The following NUDT5 variants were observed in gnomAD, a reference collection of about 807,000 sequenced individuals.
NUDT5 encodes nudix hydrolase 5.
NUDT5 carries 21 observed loss-of-function variants against 34.1 expected under a neutral mutation model. The observed-to-expected ratio is 0.62, with a 90% confidence interval of 0.44 to 0.89. The LOEUF (loss-of-function observed/expected upper bound fraction) is 0.89. NUDT5 is among the 40% of genes least tolerant of loss of function. The pLI, the probability that NUDT5 is intolerant of heterozygous loss-of-function variation, is 0.00. For synonymous variants in NUDT5, 85 were observed against 97.6 expected (o/e 0.87, Z 0.76); for missense variants, 249 against 274.8 (o/e 0.91, Z 0.66).
In NUDT5 at chr10:12,170,063, C is replaced by T; in HGVS notation, c.550+654G>A. 1 of 1,583,720 alleles carries T rather than the reference C, an allele frequency of 6.3e-7. No individual in the cohort carries two copies. Among genetic ancestry groups the T allele is most frequent in the South Asian group, 1.1e-5 (1 of 90,382 alleles). Reference sequence around the variant, plus strand: ...GTCTCCATACAGTATCTCCTCGTCTCCACACAGTATCTCCTCATGTCTCCA... The same window carrying T: ...GTCTCCATACAGTATCTCCTCGTCTTCACACAGTATCTCCTCATGTCTCCA... On this transcript the variant is annotated intron_variant, in intron 9 of 9. Transcript: ENST00000491614. This position sits in a 1 kb window ranked among gnomAD's most constrained non-coding sequence, Gnocchi z 4.9.
Position 12,195,849 on chromosome 10 carries a change from G to A in NUDT5, c.-121C>T, listed in dbSNP as rs1476399341. On this transcript the variant is annotated 5_prime_UTR_variant, in exon 1 of 10. Coordinates refer to ENST00000491614, the MANE Select transcript of NUDT5 (RefSeq NM_014142.4). The stretch of plus-strand genomic sequence containing the variant: ...CAGTGTCAGCCGATGCCGGTGCCAC[G>A]GCTCGAAACACCGGCGCCTCTCGCG... 2 of 227,328 alleles carry A rather than the reference G, an allele frequency of 8.8e-6. No individual in the cohort carries two copies. The highest frequency in any genetic ancestry group is 5.3e-5 in the South Asian group (1 of 18,896). 14.1% of individuals were successfully genotyped at this position (227,328 alleles called of 1,614,324 possible). A position where few individuals can be genotyped will look rare whatever the true frequency, so the allele number is the denominator to read the frequency against.
chr10:12,174,223 CT>C (rs1834911640), intron 5 of NUDT5, among the ~76,000 whole-genome samples: 1 of 150,980 alleles, frequency 6.6e-6, no homozygotes, highest in African/African-American at 2.4e-5. Flanking sequence ...AATCGGAGCA[CT>C]GTGAAAAGTG....
rs1184145754 is a variant in NUDT5 at position 12,175,565 on chromosome 10, C to A, written c.290-1752G>T. On this transcript the variant is annotated intron_variant, in intron 5 of 9. Transcript: ENST00000491614. This position sits in a 1 kb window ranked among gnomAD's most constrained non-coding sequence, Gnocchi z 4.8. ...GCCAAGGCAGGAGGATCACTTGAGC[C>A]CAGAAGGTCAAGGCTGCAGTGAGCT... Among the ~76,000 whole-genome samples, 5 of 151,892 alleles carry A rather than the reference C, an allele frequency of 3.3e-5. No homozygotes were observed. Among genetic ancestry groups the A allele is most frequent in the Non-Finnish European group, 5.9e-5 (4 of 68,014 alleles).
chr10:12,166,536 G>C lies in NUDT5; in HGVS notation c.*1166C>G, dbSNP rs868651178. The C allele has an allele frequency of 3.2e-6, 1 of 311,928 alleles. No individual in the cohort carries two copies. The highest frequency in any genetic ancestry group is 2.7e-5 in the South Asian group (1 of 37,010). The allele number at this position is 311,928 out of a possible 1,614,324, so 19.3% of individuals were successfully genotyped here. Reference sequence around the variant, plus strand: ...TAAAAATATCCTGGGCTCAGACAGTGAGCCTGTGGACAAACGGAGGCTACT... The same window carrying C: ...TAAAAATATCCTGGGCTCAGACAGTCAGCCTGTGGACAAACGGAGGCTACT... On this transcript the variant is annotated 3_prime_UTR_variant, in exon 10 of 10. Coordinates refer to ENST00000491614, the MANE Select transcript of NUDT5 (RefSeq NM_014142.4).
In NUDT5 at chr10:12,170,638, G is replaced by A; in HGVS notation, c.550+79C>T. On this transcript the variant is annotated intron_variant, in intron 9 of 9. Transcript: ENST00000491614. This position sits in a 1 kb window ranked among gnomAD's most constrained non-coding sequence, Gnocchi z 4.9. ...GATACAAAAAAGATAAAGAAATGGA[G>A]TTATATTTAGTACCCAGTTTGCTGG... 5 of 1,289,386 alleles carry A rather than the reference G, an allele frequency of 3.9e-6. No individual in the cohort carries two copies. The highest frequency in any genetic ancestry group is 4.5e-6 in the Non-Finnish European group (4 of 886,282). 79.9% of individuals were successfully genotyped at this position (1,289,386 alleles called of 1,614,324 possible).
rs527552690 is a variant in NUDT5 at position 12,186,229 on chromosome 10, C to T, written c.63G>A (p.Glu21=). The T allele has an allele frequency of 1.2e-5, 19 of 1,610,568 alleles. No homozygotes were observed. Among genetic ancestry groups the T allele is most frequent in the Non-Finnish European group, 1.6e-5 (19 of 1,177,130 alleles). Residue 21 remains glutamate, a splice_region_variant and synonymous_variant, in exon 2 of 10, where the codon GAG becomes GAA. Transcript: ENST00000491614. ...AGGGAAAGTGAAAAACAAGTTATAC[C>T]TCCTCTGAAATGATATACTGTTTGC... is the stretch of plus-strand genomic sequence containing the variant. ...QNGKQYIISE[E]LISEGKWVKL... is the part of the protein sequence containing the mutation.
At chr10:12,188,118 C>T (rs1425641203) in intron 1 of NUDT5, among the ~76,000 whole-genome samples, 2 of 152,036 alleles carry the variant, frequency 1.3e-5, no homozygotes, top group East Asian at 1.9e-4. Flanking sequence ...TTACGTTCCA[C>T]GGTTCTCTAA....
rs902775152 is a variant in NUDT5, at chr10:12,171,709, T to C, written c.488-801A>G. Among the ~76,000 whole-genome samples, 1 of 150,054 alleles carries C rather than the reference T, an allele frequency of 6.7e-6. No homozygotes were observed. Among genetic ancestry groups the C allele is most frequent in the African/African-American group, 2.4e-5 (1 of 40,976 alleles). ...TTATTTTATTTATTTATTTATTTAT[T>C]TATTTATTTATTTATTTATTTATTT... On this transcript the variant is annotated intron_variant, in intron 7 of 9. Transcript: ENST00000491614. The surrounding 1 kb of genome is among the most constrained non-coding windows in gnomAD (Gnocchi z 4.2).
In NUDT5 at chr10:12,169,286, G is replaced by A; in HGVS notation, c.550+1431C>T. 6.4e-7 allele frequency: 1 copy of A among 1,554,158 alleles called. No homozygotes were observed. The highest frequency in any genetic ancestry group is 8.7e-7 in the Non-Finnish European group (1 of 1,147,708). On this transcript the variant is annotated intron_variant, in intron 9 of 9. Transcript: ENST00000491614. This position sits in a 1 kb window ranked among gnomAD's most constrained non-coding sequence, Gnocchi z 4.8. ...AAAAGTGAAGTTAAGAAGGTGGAAG[G>A]GAGAAGGAAGACATTTTACAAAAAG... is the stretch of plus-strand genomic sequence containing the variant.
At chr10:12,190,154 G>A (rs1028886714) in intron 1 of NUDT5, among the ~76,000 whole-genome samples, 1 of 152,194 alleles carries the variant, frequency 6.6e-6, no homozygotes, top group African/African-American at 2.4e-5. Flanking sequence ...CTGCCAAAGT[G>A]CTGGAATTAC....
chr10:12,194,302 C>T (rs1835291238), intron 1 of NUDT5, among the ~76,000 whole-genome samples: 1 of 152,254 alleles, frequency 6.6e-6, no homozygotes, highest in African/African-American at 2.4e-5. Flanking sequence ...AATAAATCCC[C>T]CATCGATGCT....
chr10:12,171,026 T>G lies in NUDT5; in HGVS notation c.488-118A>C. ...ATTTCACAGAAGCCTGGGTTTCTGC[T>G]AACTTAATTTATATACATTGTCAAA... On this transcript the variant is annotated intron_variant, in intron 7 of 9. Transcript: ENST00000491614. This position sits in a 1 kb window ranked among gnomAD's most constrained non-coding sequence, Gnocchi z 4.2. 1.9e-6 allele frequency: 2 copies of G among 1,030,988 alleles called. No homozygotes were observed. The highest frequency in any genetic ancestry group is 2.9e-6 in the Non-Finnish European group (2 of 692,718). 63.9% of individuals were successfully genotyped at this position (1,030,988 alleles called of 1,614,324 possible).
At chr10:12,194,066 G>A (rs1251685509) in intron 1 of NUDT5, among the ~76,000 whole-genome samples, 15 of 152,190 alleles carry the variant, frequency 9.9e-5, no homozygotes, top group Non-Finnish European at 1.9e-4. Context: ...TAGTAGGGAC[G>A]GGGTTTCGCC....
At chr10:12,179,183 T>C in intron 3 of NUDT5, 51 bp from the exon 4 acceptor site, 1 of 1,479,816 alleles carries the variant, frequency 6.8e-7, no homozygotes, top group Non-Finnish European at 9.4e-7. Flanking sequence ...GAAGAGAATT[T>C]TCTTAGGTTT....
intron 1 of NUDT5, among the ~76,000 whole-genome samples, chr10:12,193,508 G>T (rs1835271540): frequency 6.6e-6 from 1 of 152,190 alleles, no homozygotes; most frequent in Non-Finnish European, 1.5e-5. Flanking sequence ...TTCCACTGTT[G>T]AAAGGTTTTA....
chr10:12,185,958 C>T (rs756292597), intron 2 of NUDT5, among the ~76,000 whole-genome samples: 5 of 152,154 alleles, frequency 3.3e-5, no homozygotes, highest in African/African-American at 7.2e-5. Context: ...TATATTCTTT[C>T]TTCTTCTATC....
chr10:12,180,142 G>A (rs1040409685), intron 3 of NUDT5, among the ~76,000 whole-genome samples: 2 of 152,150 alleles, frequency 1.3e-5, no homozygotes, highest in African/African-American at 4.8e-5. Flanking sequence ...TTTGGACCTT[G>A]TCATATTTTC....
In NUDT5 at chr10:12,171,009, G is replaced by A; in HGVS notation, c.488-101C>T. The A allele has an allele frequency of 7.9e-7, 1 of 1,261,566 alleles. No homozygotes were observed. Among genetic ancestry groups the A allele is most frequent in the Non-Finnish European group, 1.1e-6 (1 of 891,492 alleles). The allele number at this position is 1,261,566 out of a possible 1,614,324, so 78.1% of individuals were successfully genotyped here. On this transcript the variant is annotated intron_variant, in intron 7 of 9. Transcript: ENST00000491614. This position sits in a 1 kb window ranked among gnomAD's most constrained non-coding sequence, Gnocchi z 4.2. ...TCAAAAAGGCTTTGAGAATTTCACA[G>A]AAGCCTGGGTTTCTGCTAACTTAAT...
At position 12,167,637 on chromosome 10, in the gene NUDT5, A is replaced by G; in HGVS notation, c.*65T>C. 6.9e-7 allele frequency: 1 copy of G among 1,457,870 alleles called. No individual in the cohort carries two copies. The highest frequency in any genetic ancestry group is 9.6e-7 in the Non-Finnish European group (1 of 1,045,362). The allele number at this position is 1,457,870 out of a possible 1,614,324, so 90.3% of individuals were successfully genotyped here. A position where few individuals can be genotyped will look rare whatever the true frequency, so the allele number is the denominator to read the frequency against. ...AAATCTACATTAAACTAAGTTGAATACAAAGTCTTAGTGAAGAAGGCCTGG... is the reference window on the plus strand; with the variant it reads ...AAATCTACATTAAACTAAGTTGAATGCAAAGTCTTAGTGAAGAAGGCCTGG... On this transcript the variant is annotated 3_prime_UTR_variant, in exon 10 of 10. Transcript: ENST00000491614.
Sources: allele counts gnomAD v4.1 joint callset (sites outside exome capture counted in the v4.1 genomes callset), GRCh38; gene constraint gnomAD v4.1.1; non-coding constraint Gnocchi (gnomAD v3.1); transcripts MANE v1.5; gene names NCBI Gene and HGNC (gene_info 2026-07-23, HGNC 2026-07-21).